The following NRG1 variants were observed in gnomAD, a reference collection of about 807,000 sequenced individuals.
NRG1 encodes the protein neuregulin 1.
A neutral mutation model predicts 63.8 loss-of-function variants in NRG1; 18 were observed. The ratio of observed to expected loss-of-function variants is 0.28; its 90% confidence interval spans 0.19 to 0.42. The LOEUF (loss-of-function observed/expected upper bound fraction) is 0.42, where lower values mean the gene tolerates loss of function less well. Among genes scored for constraint, NRG1 ranks in the 10% least tolerant of loss-of-function variants. NRG1 has a pLI of 1.00. For missense variants in NRG1, 762 were observed against 814.7 expected (o/e 0.94, Z 0.79); for synonymous variants, 302 against 301.3 (o/e 1.00, Z -0.02).
chr8:31,917,859 G>C (rs1430111477), intron 1 of NRG1, among the ~76,000 whole-genome samples: 1 of 152,148 alleles, frequency 6.6e-6, no homozygotes, highest in African/African-American at 2.4e-5. Context: ...TCTTCCATTT[G>C]TTTGTAACCT....
At chr8:32,760,588 G>T in intron 11 of NRG1, 182 bp downstream of exon 11, 29 of 1,408,262 alleles carry the variant, frequency 2.1e-5, no homozygotes, top group East Asian at 1.1e-4. Flanking sequence ...TTTCTTCTGA[G>T]CTTCTCTCGT....
intron 1 of NRG1, among the ~76,000 whole-genome samples, chr8:32,384,228 C>A (rs914687900): frequency 6.6e-6 from 1 of 152,052 alleles, no homozygotes; most frequent in Non-Finnish European, 1.5e-5. Context: ...CAGAGCAAGA[C>A]CCTGTCTCAA....
chr8:32,070,439 A>G (rs146528208), intron 1 of NRG1, among the ~76,000 whole-genome samples: 1 of 152,344 alleles, frequency 6.6e-6, no homozygotes, highest in African/African-American at 2.4e-5. Context: ...TAGCTACTCA[A>G]TAAGTAGCCA....
At chr8:32,034,523 G>T (rs569114521) in intron 1 of NRG1, among the ~76,000 whole-genome samples, 23 of 152,286 alleles carry the variant, frequency 1.5e-4, no homozygotes, top group Middle Eastern at 3.4e-3. Context: ...AGAAGAAAGT[G>T]TATCAGTTTC....
intron 1 of NRG1, among the ~76,000 whole-genome samples, chr8:31,804,656 C>A (rs1822104108): frequency 6.6e-6 from 1 of 152,164 alleles, no homozygotes; most frequent in Non-Finnish European, 1.5e-5. Flanking sequence ...ACTCAGGTAG[C>A]AGTTGATGCT....
intron 1 of NRG1, among the ~76,000 whole-genome samples, chr8:31,855,183 CGTT>C (rs1451558615): frequency 6.6e-6 from 1 of 152,022 alleles, no homozygotes; most frequent in Admixed American, 6.6e-5. Flanking sequence ...CTTTCTGTCT[CGTT>C]GATCTGTCTA....
At chr8:31,886,907 A>C (rs1298293848) in intron 1 of NRG1, among the ~76,000 whole-genome samples, 2 of 152,064 alleles carry the variant, frequency 1.3e-5, no homozygotes, top group Non-Finnish European at 2.9e-5. Flanking sequence ...TTTTCTTTCC[A>C]TCATCAACAT....
At chr8:32,331,129 A>G (rs933298202) in intron 1 of NRG1, among the ~76,000 whole-genome samples, 15 of 152,120 alleles carry the variant, frequency 9.9e-5, no homozygotes, top group Admixed American at 8.5e-4. Context: ...GTCGTTACGC[A>G]AGTCTTCATG....
intron 1 of NRG1, among the ~76,000 whole-genome samples, chr8:31,798,222 C>T (rs994552788): frequency 6.6e-6 from 1 of 151,966 alleles, no homozygotes. Flanking sequence ...TCAATATTCG[C>T]AACACAGAGA....
chr8:32,632,807 A>G (rs1045408162), intron 5 of NRG1, among the ~76,000 whole-genome samples: 8 of 152,200 alleles, frequency 5.3e-5, no homozygotes, highest in Non-Finnish European at 8.8e-5. Context: ...ATTCATTTAG[A>G]AAGATGATAG....
chr8:32,277,815 T>C lies in NRG1; in HGVS notation c.38-318013T>C, dbSNP rs147179594. 3.2e-4 allele frequency among the ~76,000 whole-genome samples: 49 copies of C among 152,298 alleles called. No homozygotes were observed. The East Asian group carries it at 4.6e-3, about 14-fold the overall frequency. On this transcript the variant is annotated intron_variant, in intron 1 of 10. Coordinates refer to the NRG1 transcript ENST00000519301. The stretch of plus-strand genomic sequence containing the variant: ...TTCCAAAATGTCAGTAGTGCCACAT[T>C]TGAGAAACCCTGGCCTTCTGGTGAC...
intron 1 of NRG1, among the ~76,000 whole-genome samples, chr8:31,909,422 C>T (rs960008451): frequency 6.6e-6 from 1 of 152,040 alleles, no homozygotes; most frequent in Non-Finnish European, 1.5e-5. Context: ...CTTCAGAGTT[C>T]TTCCATGCTG....
intron 1 of NRG1, chr8:32,442,345 G>C (rs1240449592): frequency 6.6e-6 from 1 of 152,190 alleles, no homozygotes; most frequent in African/African-American, 2.4e-5. Flanking sequence ...AGGAAGTCAG[G>C]CCCATTCTTC....
In NRG1 at chr8:31,750,371, A is replaced by G. The variant is rs117377316; in HGVS notation, c.37+110940A>G. Among the ~76,000 whole-genome samples, 573 of 151,988 alleles carry G rather than the reference A, an allele frequency of 3.8e-3. 1 individual carries two copies. The highest frequency in any genetic ancestry group is 0.02 in the Middle Eastern group (6 of 294). On this transcript the variant is annotated intron_variant, in intron 1 of 10. Transcript: ENST00000519301. ...TCACAGGGTCCACATATGCATGTAAATGTTTTTATAGTACACATACACAAA... is the reference window on the plus strand; with the variant it reads ...TCACAGGGTCCACATATGCATGTAAGTGTTTTTATAGTACACATACACAAA...
At chr8:32,199,588 AATTAGAGATTGAAAGTC>A (rs1843295569) in intron 1 of NRG1, among the ~76,000 whole-genome samples, 1 of 152,182 alleles carries the variant, frequency 6.6e-6, no homozygotes, top group African/African-American at 2.4e-5. Context: ...GCTAAACATA[AATTAGAGATTGAAAGTC>A]ATTTCTCTTC....
At chr8:32,602,304 A>T (rs1271359396) in intron 2 of NRG1, among the ~76,000 whole-genome samples, 1 of 152,138 alleles carries the variant, frequency 6.6e-6, no homozygotes, top group African/African-American at 2.4e-5. Context: ...ATTACTAGGA[A>T]TAGTATTCCA....
Position 32,759,257 on chromosome 8 carries a change from TG to T in NRG1, c.922-48del. 3.8e-6 allele frequency: 6 copies of T among 1,587,412 alleles called. No individual in the cohort carries two copies. In the South Asian group the frequency reaches 6.9e-5, roughly 18 times the overall value. ...TACATGACAATATTAGTGCTTTGAT[TG>T]ACATGAATCTACGTGAATCTTCAAG... On this transcript the variant is annotated intron_variant, in intron 9 of 11. Transcript: ENST00000356819.
intron 1 of NRG1, among the ~76,000 whole-genome samples, chr8:32,049,858 T>C (rs1231115638): frequency 6.6e-6 from 1 of 152,116 alleles, no homozygotes; most frequent in Non-Finnish European, 1.5e-5. Flanking sequence ...TCTGCAACAC[T>C]CCTGATGAGC....
chr8:31,995,795 T>C (rs542116336), intron 1 of NRG1, among the ~76,000 whole-genome samples: 3 of 152,064 alleles, frequency 2.0e-5, no homozygotes, highest in African/African-American at 7.2e-5. Context: ...ATTACTACCA[T>C]TATTGCAATT....
Sources: gnomAD v4.1 joint callset for allele counts (sites outside exome capture counted in the v4.1 genomes callset) on GRCh38, gnomAD v4.1.1 for gene constraint, MANE v1.5 for transcripts, NCBI Gene and HGNC (gene_info 2026-07-23, HGNC 2026-07-21) for gene names.